The following VGLL4 variants were observed in gnomAD, a reference collection of about 807,000 sequenced individuals.
VGLL4 encodes transcription cofactor vestigial-like protein 4.
In VGLL4, 7 loss-of-function variants were observed where a neutral mutation model predicts 21.0. That is an observed-to-expected ratio of 0.33 (90% CI 0.19 to 0.63). The LOEUF is 0.63. Among genes scored for constraint, VGLL4 ranks in the 20% least tolerant of loss-of-function variants. The pLI is 0.78. For synonymous variants in VGLL4, 222 were observed against 173.2 expected, an observed-to-expected ratio of 1.28 and a Z score of -2.21; for missense variants, 394 against 425.7, an observed-to-expected ratio of 0.93 and a Z score of 0.66.
intron 2 of VGLL4, among the ~76,000 whole-genome samples, chr3:11,594,945 T>C (rs1016648211): frequency 6.6e-6 from 1 of 152,226 alleles, no homozygotes; most frequent in South Asian, 2.1e-4. Flanking sequence ...GCGGATCACC[T>C]GAGATCGGGA....
intron 2 of VGLL4, chr3:11,582,519 G>A: frequency 1.5e-6 from 1 of 647,334 alleles, no homozygotes; most frequent in South Asian, 2.2e-5. Flanking sequence ...CTCCTGGGAG[G>A]GTTTATTTAT....
At chr3:11,704,358 G>A (rs1447882943) in intron 1 of VGLL4, among the ~76,000 whole-genome samples, 2 of 134,608 alleles carry the variant, frequency 1.5e-5, no homozygotes, top group South Asian at 4.7e-4. Context: ...ACTCCAGCCT[G>A]GGCAACAAAA....
chr3:11,715,500 A>G (rs1171801431), intron 1 of VGLL4, among the ~76,000 whole-genome samples: 1 of 150,966 alleles, frequency 6.6e-6, no homozygotes, highest in Non-Finnish European at 1.5e-5. Context: ...TGCCCAGCTA[A>G]TTTTTGTATT....
chr3:11,703,057 A>T (rs1440369659), intron 1 of VGLL4: 3 of 1,542,148 alleles, frequency 1.9e-6, no homozygotes, highest in African/African-American at 3.9e-5. Context: ...CCTAAGAGGA[A>T]AAAATAAAAG....
At chr3:11,624,323 G>GT (rs1439176157) in intron 1 of VGLL4, among the ~76,000 whole-genome samples, 23 of 152,260 alleles carry the variant, frequency 1.5e-4, no homozygotes, top group Admixed American at 1.2e-3. Context: ...TTCTAAGGAC[G>GT]TGTCAGCAGT....
chr3:11,676,149 A>C (rs1299084832), intron 2 of VGLL4, among the ~76,000 whole-genome samples: 1 of 152,262 alleles, frequency 6.6e-6, no homozygotes, highest in East Asian at 1.9e-4. Context: ...GCACTTTGGG[A>C]GGCTGAGGCG....
At chr3:11,693,965 C>T (rs559781370) in intron 2 of VGLL4, among the ~76,000 whole-genome samples, 16 of 152,196 alleles carry the variant, frequency 1.1e-4, no homozygotes, top group South Asian at 4.1e-4. Context: ...GAGAATTACG[C>T]GCTTAGGTTT....
At chr3:11,718,913 A>G (rs2076954038) in intron 1 of VGLL4, among the ~76,000 whole-genome samples, 1 of 152,236 alleles carries the variant, frequency 6.6e-6, no homozygotes, top group South Asian at 2.1e-4. Flanking sequence ...AGACGAACAC[A>G]TGCCAGCAAC....
chr3:11,623,493 T>C (rs1439584257), intron 1 of VGLL4, among the ~76,000 whole-genome samples: 1 of 152,166 alleles, frequency 6.6e-6, no homozygotes, highest in Non-Finnish European at 1.5e-5. Flanking sequence ...AAAAAAATCC[T>C]GAGTCGAAGT....
intron 2 of VGLL4, chr3:11,582,386 C>T (rs2074252078): frequency 6.4e-7 from 1 of 1,557,418 alleles, no homozygotes; most frequent in Non-Finnish European, 8.7e-7. Context: ...AGGCACAAAA[C>T]TGGATGGGCG....
intron 1 of VGLL4, chr3:11,626,449 G>A (rs2075353995): frequency 2.2e-6 from 1 of 454,822 alleles, no homozygotes; most frequent in African/African-American, 2.0e-5. Flanking sequence ...GGATGGGCAG[G>A]AACTAAGTTG....
intron 2 of VGLL4, among the ~76,000 whole-genome samples, chr3:11,677,981 A>G (rs182777004): frequency 3.2e-4 from 49 of 152,196 alleles, no homozygotes; most frequent in Non-Finnish European, 4.4e-4. Context: ...GTCTAAATGA[A>G]TAACTTCTGG....
At chr3:11,635,686 T>A (rs2075572640) in intron 1 of VGLL4, among the ~76,000 whole-genome samples, 1 of 152,226 alleles carries the variant, frequency 6.6e-6, no homozygotes, top group Admixed American at 6.5e-5. Context: ...GTATGAAGCC[T>A]CTAATAGAAA....
At chr3:11,706,117 A>C (rs1034155817) in intron 1 of VGLL4, among the ~76,000 whole-genome samples, 1 of 152,238 alleles carries the variant, frequency 6.6e-6, no homozygotes, top group Non-Finnish European at 1.5e-5. Flanking sequence ...GCACAGAAAC[A>C]AAATATCAAA....
chr3:11,571,320 G>A (rs931757309), intron 2 of VGLL4, among the ~76,000 whole-genome samples: 19 of 152,066 alleles, frequency 1.2e-4, no homozygotes, highest in Admixed American at 9.2e-4. Flanking sequence ...AATGAAACCC[G>A]AGTGCGAATG....
At chr3:11,578,611 GTAATAA>G (rs1037111084) in intron 2 of VGLL4, among the ~76,000 whole-genome samples, 1 of 149,032 alleles carries the variant, frequency 6.7e-6, no homozygotes, top group Non-Finnish European at 1.5e-5. Context: ...AAAAAAAAAA[GTAATAA>G]TAATAAATAA....
chr3:11,709,502 A>G (rs544292020), intron 1 of VGLL4, among the ~76,000 whole-genome samples: 2 of 150,972 alleles, frequency 1.3e-5, no homozygotes, highest in Admixed American at 6.6e-5. Flanking sequence ...ACTGCAAACC[A>G]GTTTCTGGTC....
At chr3:11,697,904 T>G (rs1185574138) in intron 2 of VGLL4, among the ~76,000 whole-genome samples, 1 of 152,230 alleles carries the variant, frequency 6.6e-6, no homozygotes, top group African/African-American at 2.4e-5. Flanking sequence ...CAAAAGCTGC[T>G]GTCCTTGCCA....
At chr3:11,592,405 A>G (rs2074520971) in intron 2 of VGLL4, among the ~76,000 whole-genome samples, 1 of 151,858 alleles carries the variant, frequency 6.6e-6, no homozygotes, top group Non-Finnish European at 1.5e-5. Context: ...GCTGGACAGC[A>G]CTCCCCCTTC....
Sources: gnomAD v4.1 joint callset for allele counts (sites outside exome capture counted in the v4.1 genomes callset) on GRCh38, gnomAD v4.1.1 for gene constraint, MANE v1.5 for transcripts, NCBI Gene and HGNC (gene_info 2026-07-23, HGNC 2026-07-21) for gene names.